Variants in AGBL1 observed in about 807,000 individuals in gnomAD.
The protein encoded by AGBL1 is cytosolic carboxypeptidase 4.
Under a neutral mutation model 118.9 loss-of-function variants are expected in AGBL1, and 130 were observed. The observed-to-expected ratio is 1.09, with a 90% CI of 0.95 to 1.26. The LOEUF (loss-of-function observed/expected upper bound fraction) is 1.26. AGBL1 is among the 50% of genes most tolerant of loss of function. AGBL1 has a pLI of 0.00. For synonymous variants in AGBL1, 555 were observed against 478.9 expected (o/e 1.16, Z -2.08); for missense variants, 1,584 against 1,298.1 (o/e 1.22, Z -3.38).
chr15:86,753,967 T>C (rs1222555482), intron 22 of AGBL1, among the ~76,000 whole-genome samples: 1 of 152,062 alleles, frequency 6.6e-6, no homozygotes, highest in Non-Finnish European at 1.5e-5. Context: ...CCTAAGCATG[T>C]TGAGAATCTT....
intron 18 of AGBL1, among the ~76,000 whole-genome samples, chr15:86,492,596 G>GAAAAAAAAAAAAAAAA (rs998900235): frequency 1.4e-5 from 1 of 71,016 alleles, no homozygotes. Context: ...TCAAAAAAAA[G>GAAAAAAAAAAAAAAAA]AAAAAAAAAA....
chr15:86,995,276 A>T (rs542580837), intron 24 of AGBL1, among the ~76,000 whole-genome samples: 9 of 152,168 alleles, frequency 5.9e-5, no homozygotes, highest in African/African-American at 2.2e-4. Flanking sequence ...AATCCCAACT[A>T]TCAGGAGGCT....
chr15:86,341,951 G>T (rs1232863205), intron 17 of AGBL1, among the ~76,000 whole-genome samples: 1 of 152,010 alleles, frequency 6.6e-6, no homozygotes, highest in Non-Finnish European at 1.5e-5. Flanking sequence ...TATTATTCAG[G>T]TTATATGAAT....
At chr15:86,481,507 T>G (rs938071339) in intron 18 of AGBL1, among the ~76,000 whole-genome samples, 1 of 152,096 alleles carries the variant, frequency 6.6e-6, no homozygotes, top group Non-Finnish European at 1.5e-5. Context: ...TGAGCTTGGG[T>G]TGGAATATGC....
intron 21 of AGBL1, among the ~76,000 whole-genome samples, chr15:86,566,442 T>C (rs1263767957): frequency 6.6e-6 from 1 of 152,132 alleles, no homozygotes. Context: ...CAAAGAGGGC[T>C]GAGAGGAATG....
chr15:87,022,010 T>A (rs1386860528), intron 24 of AGBL1, among the ~76,000 whole-genome samples: 1 of 152,080 alleles, frequency 6.6e-6, no homozygotes, highest in Non-Finnish European at 1.5e-5. Context: ...CAGAGCCTGG[T>A]AGACTTGCTG....
At chr15:86,712,068 C>A (rs1339224586) in intron 22 of AGBL1, among the ~76,000 whole-genome samples, 2 of 152,156 alleles carry the variant, frequency 1.3e-5, no homozygotes, top group South Asian at 2.1e-4. Flanking sequence ...CTCAAATTCA[C>A]CCCTGCCCTC....
intron 22 of AGBL1, among the ~76,000 whole-genome samples, chr15:86,838,331 A>G (rs1165993223): frequency 6.6e-6 from 1 of 152,226 alleles, no homozygotes; most frequent in East Asian, 1.9e-4. Context: ...AAGAGGCTAT[A>G]GAGTGTTTGT....
At position 86,142,851 on chromosome 15, in the gene AGBL1, A is replaced by C. The variant is rs117266692; in HGVS notation, c.115+784A>C. 6.7e-3 allele frequency among the ~76,000 whole-genome samples: 1,023 copies of C among 152,316 alleles called. 14 individuals carry two copies. Among genetic ancestry groups the C allele is most frequent in the Non-Finnish European group, 0.011 (774 of 68,034 alleles). On this transcript the variant is annotated intron_variant, in intron 2 of 22. Coordinates refer to ENST00000614907, the MANE Select transcript of AGBL1 (RefSeq NM_001386094.1). The stretch of plus-strand genomic sequence containing the variant: ...TTGTCCAGAGGTGTCTGAAACTCTT[A>C]AGACAAAACCTTGAAGTTCTCCCTC...
At chr15:86,898,357 A>C (rs1201099341) in intron 22 of AGBL1, among the ~76,000 whole-genome samples, 3 of 152,154 alleles carry the variant, frequency 2.0e-5, no homozygotes, top group African/African-American at 7.2e-5. Flanking sequence ...TTAAGGTTTT[A>C]ATCTATCTTG....
chr15:86,706,690 A>G (rs1481106696), intron 22 of AGBL1, among the ~76,000 whole-genome samples: 1 of 152,174 alleles, frequency 6.6e-6, no homozygotes, highest in Non-Finnish European at 1.5e-5. Context: ...TGTTCTCCTT[A>G]CAAGACAAAT....
At chr15:86,609,762 T>A (rs2084632135) in intron 21 of AGBL1, among the ~76,000 whole-genome samples, 1 of 152,184 alleles carries the variant, frequency 6.6e-6, no homozygotes, top group Non-Finnish European at 1.5e-5. Context: ...GGAAAAAGAT[T>A]TGTAAACGAC....
intron 1 of AGBL1, among the ~76,000 whole-genome samples, chr15:86,132,662 C>T (rs1026391233): frequency 6.6e-6 from 1 of 152,148 alleles, no homozygotes; most frequent in African/African-American, 2.4e-5. Context: ...ACCTTTTAGG[C>T]ATGTGAGGTT....
At chr15:86,507,283 C>T (rs2082989275) in intron 18 of AGBL1, among the ~76,000 whole-genome samples, 1 of 152,032 alleles carries the variant, frequency 6.6e-6, no homozygotes, top group South Asian at 2.1e-4. Flanking sequence ...CATGGAAGAT[C>T]CATTAATACC....
chr15:86,244,002 A>G (rs547693710), intron 6 of AGBL1, among the ~76,000 whole-genome samples: 1 of 151,902 alleles, frequency 6.6e-6, no homozygotes, highest in Non-Finnish European at 1.5e-5. Context: ...CCTGGGCAAC[A>G]GGGTGAGACT....
At chr15:86,565,268 A>G (rs1041204624) in intron 21 of AGBL1, among the ~76,000 whole-genome samples, 3 of 152,224 alleles carry the variant, frequency 2.0e-5, no homozygotes, top group African/African-American at 7.2e-5. Context: ...GGTTTTAACT[A>G]CCTTTGGTCT....
intron 18 of AGBL1, among the ~76,000 whole-genome samples, chr15:86,441,588 GCCTTACCATTATT>G (rs2142054926): frequency 6.6e-6 from 1 of 152,304 alleles, no homozygotes; most frequent in African/African-American, 2.4e-5. Flanking sequence ...CCATGCCAAG[GCCTTACCATTATT>G]CCTAAAAGGA....
chr15:86,265,914 G>T (rs1207746707), intron 11 of AGBL1, among the ~76,000 whole-genome samples: 1 of 152,132 alleles, frequency 6.6e-6, no homozygotes, highest in Non-Finnish European at 1.5e-5. Flanking sequence ...TAGCCTACCG[G>T]AGCAGACAGA....
At chr15:86,900,975 T>A (rs1250782946) in intron 22 of AGBL1, among the ~76,000 whole-genome samples, 2 of 152,204 alleles carry the variant, frequency 1.3e-5, no homozygotes, top group East Asian at 3.9e-4. Flanking sequence ...TTATTTTACT[T>A]AGTGTAAACC....
Sources: gnomAD v4.1 joint callset for allele counts (sites outside exome capture counted in the v4.1 genomes callset) on GRCh38, gnomAD v4.1.1 for gene constraint, MANE v1.5 for transcripts, NCBI Gene and HGNC (gene_info 2026-07-23, HGNC 2026-07-21) for gene names.